The following ATP11B variants were observed in gnomAD, a reference collection of about 807,000 sequenced individuals.
ATP11B encodes the protein phospholipid-transporting ATPase IF.
ATP11B carries 81 observed loss-of-function variants against 157.8 expected under a neutral mutation model. The observed-to-expected ratio is 0.51, with a 90% CI of 0.43 to 0.62. ATP11B has a LOEUF of 0.62. Among genes scored for constraint, ATP11B ranks in the 20% least tolerant of loss-of-function variants. The pLI is 0.00. For missense variants in ATP11B, 1,165 were observed against 1,402.2 expected (o/e 0.83, Z 2.70); for synonymous variants, 451 against 469.4 (o/e 0.96, Z 0.51).
chr3:182,799,267 ATCTT>A (rs887428722), intron 1 of ATP11B, among the ~76,000 whole-genome samples: 3 of 149,866 alleles, frequency 2.0e-5, no homozygotes, highest in African/African-American at 7.4e-5. Flanking sequence ...CTGAGTGCTG[ATCTT>A]TCTTTCTTTC....
chr3:182,879,568 G>T lies in ATP11B; in HGVS notation c.2325G>T (p.Glu775Asp). Residue 775 changes from glutamate (E) to aspartate (D), a missense_variant, in exon 20 of 30, where the codon GAG becomes GAT. Glu to Asp is a conservative substitution (Grantham distance 45). Coordinates refer to ENST00000323116, the MANE Select transcript of ATP11B (RefSeq NM_014616.3). ...DGTSLSLALREHEKLFMEVCR... is the reference protein window; with the variant it reads ...DGTSLSLALRDHEKLFMEVCR... The stretch of plus-strand genomic sequence containing the variant: ...CCAGCCTATCTCTTGCACTCAGGGA[G>T]CATGAAAAACTATTTATGGAAGTTT... 1 of 1,614,132 alleles carries T rather than the reference G, an allele frequency of 6.2e-7. No individual in the cohort carries two copies. The highest frequency in any genetic ancestry group is 1.3e-5 in the African/African-American group (1 of 75,064).
rs1723561212 is a variant in ATP11B at position 182,896,559 on chromosome 3, A to G, written c.2983-141A>G. The G allele has an allele frequency of 3.6e-5, 24 of 665,588 alleles. No individual in the cohort carries two copies. The South Asian group carries it at 4.5e-4, about 13-fold the overall frequency. 41.2% of individuals were successfully genotyped at this position (665,588 alleles called of 1,614,324 possible). A position where few individuals can be genotyped will look rare whatever the true frequency, so the allele number is the denominator to read the frequency against. On this transcript the variant is annotated intron_variant, in intron 25 of 29. Coordinates refer to ENST00000323116, the MANE Select transcript of ATP11B (RefSeq NM_014616.3). The stretch of plus-strand genomic sequence containing the variant: ...TTATGCTGTTCTTCTCATACTTTTA[A>G]CTTTATGAGTATAGTCACCAGTTTC...
intron 1 of ATP11B, among the ~76,000 whole-genome samples, chr3:182,803,327 C>CA (rs749636666): frequency 2.6e-5 from 4 of 152,158 alleles, no homozygotes; most frequent in Non-Finnish European, 4.4e-5. Flanking sequence ...CAGGTATCCT[C>CA]AATTTCATTC....
intron 21 of ATP11B, among the ~76,000 whole-genome samples, chr3:182,882,793 G>GT (rs1722517789): frequency 6.6e-6 from 1 of 152,140 alleles, no homozygotes; most frequent in South Asian, 2.1e-4. Flanking sequence ...TGACAAAGTT[G>GT]TAATAATCCT....
chr3:182,851,257 C>T (rs1719953358), intron 10 of ATP11B, among the ~76,000 whole-genome samples: 1 of 152,180 alleles, frequency 6.6e-6, no homozygotes, highest in Non-Finnish European at 1.5e-5. Context: ...CACCACTGAA[C>T]TCCAGCCTGG....
chr3:182,898,761 G>A lies in ATP11B; in HGVS notation c.3307G>A (p.Glu1103Lys), dbSNP rs138771155. Residue 1103 changes from glutamate to lysine, a missense_variant, in exon 28 of 30, where the codon GAA becomes AAA. By Grantham distance (56) the Glu-to-Lys change is moderately conservative (BLOSUM62 1). Transcript: ENST00000323116. Reference sequence around the variant, plus strand: ...CCGACACCTCCACCCTACAAGTACTGAAAAGGCACAGGTAACCACTTTTTA... The same window carrying A: ...CCGACACCTCCACCCTACAAGTACTAAAAAGGCACAGGTAACCACTTTTTA... ...FDRHLHPTSTEKAQLTETNAG... is the reference protein window; with the variant it reads ...FDRHLHPTSTKKAQLTETNAG... The A allele has an allele frequency of 9.1e-5, 140 of 1,542,952 alleles. 1 individual carries two copies. The East Asian group carries it at 3.1e-3, about 34-fold the overall frequency.
At chr3:182,794,468 T>C (rs1463317931) in intron 1 of ATP11B, among the ~76,000 whole-genome samples, 1 of 152,222 alleles carries the variant, frequency 6.6e-6, no homozygotes, top group African/African-American at 2.4e-5. Flanking sequence ...TACCTCGTCC[T>C]CACCCCACCC....
At chr3:182,838,524 A>T (rs1462044411) in intron 7 of ATP11B, among the ~76,000 whole-genome samples, 1 of 152,096 alleles carries the variant, frequency 6.6e-6, no homozygotes, top group Non-Finnish European at 1.5e-5. Context: ...TATAAGTAAA[A>T]TGTAATCATT....
chr3:182,822,059 A>G (rs1197815883), intron 2 of ATP11B, among the ~76,000 whole-genome samples: 3 of 151,716 alleles, frequency 2.0e-5, no homozygotes, highest in Non-Finnish European at 2.9e-5. Context: ...TAGGAAGAGG[A>G]GATGTCAGAA....
chr3:182,819,261 C>T (rs1242276891), intron 1 of ATP11B, among the ~76,000 whole-genome samples: 5 of 151,928 alleles, frequency 3.3e-5, no homozygotes, highest in African/African-American at 1.2e-4. Flanking sequence ...TTAGTAGAGA[C>T]GGGGTTTCAC....
chr3:182,817,304 CAG>C (rs1302488182), intron 1 of ATP11B, among the ~76,000 whole-genome samples: 2 of 150,860 alleles, frequency 1.3e-5, no homozygotes, highest in Admixed American at 6.6e-5. Flanking sequence ...GTTTTTGAGA[CAG>C]AGTCTTGCTG....
At chr3:182,911,167 T>A (rs1724754059) in intron 28 of ATP11B, among the ~76,000 whole-genome samples, 2 of 151,706 alleles carry the variant, frequency 1.3e-5, no homozygotes, top group African/African-American at 4.8e-5. Flanking sequence ...ACACTTAGGC[T>A]AAGCTTCTGC....
In ATP11B at chr3:182,921,107, A is replaced by T. The variant is rs999759202; in HGVS notation, c.*3003A>T. Reference sequence around the variant, plus strand: ...TGACAGTTAAGAGCCAAAAGTTTTTAAAATATGCTACTCTGAAAAATCTCG... The same window carrying T: ...TGACAGTTAAGAGCCAAAAGTTTTTTAAATATGCTACTCTGAAAAATCTCG... On this transcript the variant is annotated 3_prime_UTR_variant, in exon 30 of 30. Coordinates refer to ENST00000323116, the MANE Select transcript of ATP11B (RefSeq NM_014616.3). The T allele has an allele frequency of 3.3e-5, 5 of 152,248 alleles. No homozygotes were observed. Among genetic ancestry groups the T allele is most frequent in the Non-Finnish European group, 7.3e-5 (5 of 68,044 alleles). The allele number at this position is 152,248 out of a possible 1,614,324, so 9.4% of individuals were successfully genotyped here. A position where few individuals can be genotyped will look rare whatever the true frequency, so the allele number is the denominator to read the frequency against.
intron 7 of ATP11B, 37 bp from the exon 8 acceptor site, chr3:182,842,038 G>A (rs1719090328): frequency 7.1e-7 from 1 of 1,402,900 alleles, no homozygotes; most frequent in African/African-American, 1.4e-5. Context: ...TGTCATAAGT[G>A]ATATTATATG....
At chr3:182,808,823 C>T (rs1231724969) in intron 1 of ATP11B, among the ~76,000 whole-genome samples, 1 of 152,104 alleles carries the variant, frequency 6.6e-6, no homozygotes, top group Non-Finnish European at 1.5e-5. Context: ...CCCAGTTTCT[C>T]TTATTGTTAA....
At position 182,896,711 on chromosome 3, in the gene ATP11B, CTG is replaced by C; in HGVS notation, c.2995_2996del (p.Trp999AspfsTer88). 6.2e-7 allele frequency: 1 copy of C among 1,612,398 alleles called. No homozygotes were observed. The highest frequency in any genetic ancestry group is 8.5e-7 in the Non-Finnish European group (1 of 1,178,690). On this transcript the variant is annotated frameshift_variant, in exon 26 of 30. Transcript: ENST00000323116. LOFTEE classifies it high-confidence loss of function. ...TTCTTTCTGTTTAGATGTTTGGAAA[CTG>C]GACATTTGGCACTTTGGTCTTCACA... ...LLGNGQMFGN[W>X]TFGTLVFTVM...
chr3:182,867,817 C>T (rs1289110309), intron 15 of ATP11B, among the ~76,000 whole-genome samples: 2 of 152,112 alleles, frequency 1.3e-5, no homozygotes, highest in Non-Finnish European at 2.9e-5. Context: ...GAGATCCACC[C>T]ACCTTGGCCT....
At chr3:182,810,882 C>T (rs1716623589) in intron 1 of ATP11B, among the ~76,000 whole-genome samples, 1 of 152,038 alleles carries the variant, frequency 6.6e-6, no homozygotes, top group South Asian at 2.1e-4. Flanking sequence ...GACATATTTC[C>T]CCTGTTCGTA....
In ATP11B at chr3:182,919,971, T is replaced by C. The variant is rs1195044881; in HGVS notation, c.*1867T>C. On this transcript the variant is annotated 3_prime_UTR_variant, in exon 30 of 30. Coordinates refer to ENST00000323116, the MANE Select transcript of ATP11B (RefSeq NM_014616.3). ...TCCAGAAGAGGAAATAATGAAGATA[T>C]ACTCAGTAGAGTACTAGGTGGGAGG... 6.6e-6 allele frequency: 1 copy of C among 152,206 alleles called. No homozygotes were observed. Among genetic ancestry groups the C allele is most frequent in the Non-Finnish European group, 1.5e-5 (1 of 68,038 alleles). 9.4% of individuals were successfully genotyped at this position (152,206 alleles called of 1,614,324 possible). A position where few individuals can be genotyped will look rare whatever the true frequency, so the allele number is the denominator to read the frequency against.
Sources: allele counts gnomAD v4.1 joint callset (sites outside exome capture counted in the v4.1 genomes callset), GRCh38; gene constraint gnomAD v4.1.1; transcripts MANE v1.5; gene names NCBI Gene and HGNC (gene_info 2026-07-23, HGNC 2026-07-21).